The following DEPDC7 variants were observed in gnomAD, a reference collection of about 807,000 sequenced individuals.
DEPDC7 encodes the protein DEP domain-containing protein 7.
A neutral mutation model predicts 56.6 loss-of-function variants in DEPDC7; 41 were observed. That is an observed-to-expected ratio of 0.72 (90% CI 0.56 to 0.94). The LOEUF is 0.94. Ranked by LOEUF, DEPDC7 falls within the 40% of genes least tolerant of loss-of-function variation. The probability of loss-of-function intolerance (pLI) is 0.00; values close to 1 mark genes in which losing one functional copy is unlikely to be tolerated. For synonymous variants in DEPDC7, 185 were observed against 208.8 expected (o/e 0.89, Z 0.98); for missense variants, 522 against 596.3 (o/e 0.88, Z 1.30).
chr11:33,021,109 C>T (rs1172489461), intron 1 of DEPDC7, among the ~76,000 whole-genome samples: 1 of 151,760 alleles, frequency 6.6e-6, no homozygotes, highest in Non-Finnish European at 1.5e-5. Flanking sequence ...AAATTAGCTG[C>T]ACGTGGTGGC....
chr11:33,017,751 G>C (rs781749693), intron 1 of DEPDC7, among the ~76,000 whole-genome samples: 1 of 152,092 alleles, frequency 6.6e-6, no homozygotes, highest in Non-Finnish European at 1.5e-5. Flanking sequence ...TTTCTCCACC[G>C]ATTAGTAACT....
At position 33,025,802 on chromosome 11, in the gene DEPDC7, GA is replaced by G; in HGVS notation, c.218del (p.Asp73ValfsTer7). On this transcript the variant is annotated frameshift_variant, in exon 2 of 9. Coordinates refer to ENST00000241051, the MANE Select transcript of DEPDC7 (RefSeq NM_001077242.2). LOFTEE classifies it high-confidence loss of function. Reference sequence around the variant, plus strand: ...CTGCTTTGTTGGTTCAGAAGCTGTGGATGTCATTTTTTCTCACCTAATTCAG... The same window carrying G: ...CTGCTTTGTTGGTTCAGAAGCTGTGGTGTCATTTTTTCTCACCTAATTCAG... ...NDCFVGSEAV[D>X]VIFSHLIQNK... The G allele has an allele frequency of 6.2e-7, 1 of 1,614,182 alleles. No homozygotes were observed. Among genetic ancestry groups the G allele is most frequent in the Middle Eastern group, 1.6e-4 (1 of 6,062 alleles).
At chr11:33,021,146 G>C (rs533630406) in intron 1 of DEPDC7, among the ~76,000 whole-genome samples, 1 of 152,042 alleles carries the variant, frequency 6.6e-6, no homozygotes, top group Non-Finnish European at 1.5e-5. Flanking sequence ...AGCTACTTGG[G>C]AGGCTGAGGC....
At chr11:33,017,048 C>T (rs954291982) in intron 1 of DEPDC7, among the ~76,000 whole-genome samples, 4 of 152,216 alleles carry the variant, frequency 2.6e-5, no homozygotes, top group African/African-American at 9.7e-5. Flanking sequence ...GTTTGACTTA[C>T]TCACTAATGC....
intron 5 of DEPDC7, 52 bp from the exon 6 acceptor site, chr11:33,032,284 T>C (rs368531260): frequency 1.8e-4 from 272 of 1,491,178 alleles, no homozygotes; most frequent in Non-Finnish European, 2.2e-4. Flanking sequence ...TTGTTCCCTT[T>C]AATATAGTCA....
chr11:33,028,711 C>T lies in DEPDC7; in HGVS notation c.701C>T (p.Pro234Leu). 6.2e-7 allele frequency: 1 copy of T among 1,613,968 alleles called. No homozygotes were observed. Among genetic ancestry groups the T allele is most frequent in the Non-Finnish European group, 8.5e-7 (1 of 1,179,980 alleles). The change falls in exon 4 of 9, where the codon CCT becomes CTT. Residue 234 changes from proline to leucine, a missense_variant. By Grantham distance (98) the Pro-to-Leu change is moderately conservative (BLOSUM62 -3). Transcript: ENST00000241051. ...CAGCAAGAGGCTGTACCTAAAATTC[C>T]TCAACCTAAGAGGCAGTCCACCATG... ...LKQQEAVPKI[P>L]QPKRQSTMVN...
At chr11:33,031,280 ATAGCTACTGAAT>A in intron 4 of DEPDC7, 86 bp from the exon 5 acceptor site, 1 of 839,048 alleles carries the variant, frequency 1.2e-6, no homozygotes, top group South Asian at 1.6e-5. Context: ...ATGGCTTGAA[ATAGCTACTGAAT>A]TAGGTACCAT....
At chr11:33,016,700 C>A in intron 1 of DEPDC7, 1 of 1,009,506 alleles carries the variant, frequency 9.9e-7, no homozygotes, top group South Asian at 1.4e-5. Flanking sequence ...CGGGCCTAAT[C>A]GTGTCTTTTG....
In DEPDC7 at chr11:33,016,354, T is replaced by C. The variant is rs111791472; in HGVS notation, c.73+326T>C. ...GCACGCGCCGGGGAGCTCCGGGATA[T>C]GCTCCGCGGTGCTACCGGTGACAAG... On this transcript the variant is annotated intron_variant, in intron 1 of 8. Transcript: ENST00000241051. 43 of 1,416,574 alleles carry C rather than the reference T, an allele frequency of 3.0e-5. No individual in the cohort carries two copies. The African/African-American group carries it at 3.8e-4, about 12-fold the overall frequency. 87.8% of individuals were successfully genotyped at this position (1,416,574 alleles called of 1,614,324 possible). A position where few individuals can be genotyped will look rare whatever the true frequency, so the allele number is the denominator to read the frequency against.
chr11:33,016,250 C>G, intron 1 of DEPDC7: 1 of 1,336,992 alleles, frequency 7.5e-7, no homozygotes, highest in Non-Finnish European at 9.5e-7. Context: ...AGAGCCCGCC[C>G]GCACAGCCCA....
rs1330486453 is a variant in DEPDC7 at position 33,032,530 on chromosome 11, G to A, written c.1137+52G>A. On this transcript the variant is annotated intron_variant, in intron 6 of 8. Transcript: ENST00000241051. The stretch of plus-strand genomic sequence containing the variant: ...GTATTTAATATCCTTAATACTTACA[G>A]GTTAAGTATTAGATTATTCCATCTT... 5 of 1,437,552 alleles carry A rather than the reference G, an allele frequency of 3.5e-6. No individual in the cohort carries two copies. In the Admixed American group the frequency reaches 7.4e-5, roughly 21 times the overall value. 89.0% of individuals were successfully genotyped at this position (1,437,552 alleles called of 1,614,324 possible).
chr11:33,032,358 T>C lies in DEPDC7; in HGVS notation c.1017T>C (p.Ala339=), dbSNP rs1323446715. Residue 339 remains alanine (A), a synonymous_variant, in exon 6 of 9, where the codon GCT becomes GCC. Coordinates refer to ENST00000241051, the MANE Select transcript of DEPDC7 (RefSeq NM_001077242.2). ...ELLVNGKTEI[A]LEATQLLLKL... ...AAGTGAATGGGAAGACGGAAATAGC[T>C]TTAGAAGCTACCCAGCTCCTTCTAA... The C allele has an allele frequency of 1.9e-6, 3 of 1,564,062 alleles. No individual in the cohort carries two copies. Among genetic ancestry groups the C allele is most frequent in the Non-Finnish European group, 2.6e-6 (3 of 1,165,498 alleles).
At chr11:33,028,012 A>G (rs1590209188) in intron 3 of DEPDC7, 199 bp downstream of exon 3, 2 of 438,512 alleles carry the variant, frequency 4.6e-6, no homozygotes, top group Non-Finnish European at 7.5e-6. Context: ...ACTCTTGAAC[A>G]CTGACTTTTG....
intron 4 of DEPDC7, among the ~76,000 whole-genome samples, chr11:33,029,101 G>A (rs1853606995): frequency 1.3e-5 from 2 of 151,036 alleles, no homozygotes; most frequent in African/African-American, 4.9e-5. Flanking sequence ...TTCCTCAAAG[G>A]GACCTGGAAG....
At position 33,028,789 on chromosome 11, in the gene DEPDC7, C is replaced by T. The variant is rs762953788; in HGVS notation, c.779C>T (p.Ser260Phe). The T allele has an allele frequency of 6.3e-7, 1 of 1,599,398 alleles. No homozygotes were observed. The highest frequency in any genetic ancestry group is 1.1e-5 in the South Asian group (1 of 88,496). ...GGGATTCTCAAGGCTTATAGTGACTCTCAGTATGTGGAAATACATATAATA... is the reference window on the plus strand; with the variant it reads ...GGGATTCTCAAGGCTTATAGTGACTTTCAGTATGTGGAAATACATATAATA... ...DRGILKAYSD[S>F]QEDEWLSAAI... The change falls in exon 4 of 9, where the codon TCT (serine) becomes TTT (phenylalanine). Residue 260 changes from serine to phenylalanine, a missense_variant. Ser to Phe is a radical substitution (Grantham distance 155). Transcript: ENST00000241051.
Position 33,015,940 on chromosome 11 carries a change from C to A in DEPDC7, c.-16C>A. 1 of 1,567,858 alleles carries A rather than the reference C, an allele frequency of 6.4e-7. No individual in the cohort carries two copies. The highest frequency in any genetic ancestry group is 2.4e-5 in the East Asian group (1 of 41,738). On this transcript the variant is annotated 5_prime_UTR_variant, in exon 1 of 9. Transcript: ENST00000241051. The stretch of plus-strand genomic sequence containing the variant: ...GTGAAGCTGCTGGAGGAGTTGGCGT[C>A]CGGGGAGCAAGGGCCATGGCCACCG...
intron 1 of DEPDC7, among the ~76,000 whole-genome samples, chr11:33,016,886 A>G (rs1346488106): frequency 2.0e-5 from 3 of 152,180 alleles, no homozygotes; most frequent in African/African-American, 7.2e-5. Flanking sequence ...TTAAGTTACA[A>G]CTTTTTCCCC....
At position 33,015,881 on chromosome 11, in the gene DEPDC7, G is replaced by A; in HGVS notation, c.-75G>A. ...CCTGCAGGGAGCCACGCCCCGCACAGTTAACAGACGGGCGCTCAGGGAGCT... is the reference window on the plus strand; with the variant it reads ...CCTGCAGGGAGCCACGCCCCGCACAATTAACAGACGGGCGCTCAGGGAGCT... On this transcript the variant is annotated 5_prime_UTR_variant, in exon 1 of 9. Transcript: ENST00000241051. The A allele has an allele frequency of 2.8e-6, 4 of 1,447,240 alleles. No individual in the cohort carries two copies. Among genetic ancestry groups the A allele is most frequent in the Non-Finnish European group, 3.7e-6 (4 of 1,070,552 alleles). The allele number at this position is 1,447,240 out of a possible 1,614,324, so 89.6% of individuals were successfully genotyped here.
chr11:33,030,107 A>C (rs1008099757), intron 4 of DEPDC7, among the ~76,000 whole-genome samples: 5 of 151,984 alleles, frequency 3.3e-5, no homozygotes, highest in Non-Finnish European at 7.4e-5. Context: ...CTACAGGCGC[A>C]CGCCACCATG....
Sources: allele counts gnomAD v4.1 joint callset (sites outside exome capture counted in the v4.1 genomes callset), GRCh38; gene constraint gnomAD v4.1.1; transcripts MANE v1.5; gene names NCBI Gene and HGNC (gene_info 2026-07-23, HGNC 2026-07-21).